PTPRM: variants seen among roughly 807,000 people sequenced by gnomAD.
PTPRM encodes the protein protein tyrosine phosphatase receptor type M.
A neutral mutation model predicts 186.7 loss-of-function variants in PTPRM; 47 were observed. The observed-to-expected ratio is 0.25, with a 90% confidence interval of 0.20 to 0.32. The LOEUF (loss-of-function observed/expected upper bound fraction) is 0.32, where lower values mean the gene tolerates loss of function less well. Ranked by LOEUF, PTPRM falls within the 10% of genes least tolerant of loss-of-function variation. The pLI is 1.00. For missense variants in PTPRM, 1,494 were observed against 1,865.0 expected (o/e 0.80, Z 3.66); for synonymous variants, 668 against 674.9 (o/e 0.99, Z 0.16).
intron 7 of PTPRM, among the ~76,000 whole-genome samples, chr18:7,975,006 A>G (rs1477619547): frequency 6.6e-6 from 1 of 152,162 alleles, no homozygotes; most frequent in Non-Finnish European, 1.5e-5. Context: ...ATTTTTAACA[A>G]ATTCCTCAGT....
intron 13 of PTPRM, among the ~76,000 whole-genome samples, chr18:8,142,137 T>C (rs1267224901): frequency 2.0e-5 from 3 of 152,220 alleles, no homozygotes; most frequent in African/African-American, 7.2e-5. Context: ...GGGATATTCA[T>C]TGAATCAAAA....
intron 23 of PTPRM, among the ~76,000 whole-genome samples, chr18:8,354,558 C>A (rs2095553591): frequency 6.6e-6 from 1 of 152,200 alleles, no homozygotes; most frequent in Admixed American, 6.5e-5. Context: ...AAATGTTTCA[C>A]AAGCCCTATT....
At chr18:8,028,255 G>A (rs2085702107) in intron 7 of PTPRM, among the ~76,000 whole-genome samples, 1 of 152,204 alleles carries the variant, frequency 6.6e-6, no homozygotes, top group African/African-American at 2.4e-5. Context: ...TCCCACCTTG[G>A]TCTCCCAAAG....
chr18:8,309,472 A>G (rs576625780), intron 20 of PTPRM, among the ~76,000 whole-genome samples: 1 of 152,212 alleles, frequency 6.6e-6, no homozygotes, highest in Non-Finnish European at 1.5e-5. Context: ...AGAAGTGTGC[A>G]CACAGGAGGT....
chr18:7,897,291 G>C (rs2049412551), intron 3 of PTPRM, among the ~76,000 whole-genome samples: 1 of 152,146 alleles, frequency 6.6e-6, no homozygotes, highest in Non-Finnish European at 1.5e-5. Context: ...AGTACACTTG[G>C]GAATACTGAT....
chr18:7,589,635 T>TA (rs2143609732), intron 1 of PTPRM, among the ~76,000 whole-genome samples: 1 of 152,338 alleles, frequency 6.6e-6, no homozygotes, highest in African/African-American at 2.4e-5. Context: ...ATTCTGGTCT[T>TA]AGTCTGTGAC....
chr18:7,948,172 CACACAG>C (rs2052679040), intron 5 of PTPRM, among the ~76,000 whole-genome samples: 1 of 148,700 alleles, frequency 6.7e-6, no homozygotes, highest in African/African-American at 2.5e-5. Context: ...CACACACACA[CACACAG>C]GTTTCCGCTT....
At chr18:7,867,830 A>T (rs932232968) in intron 2 of PTPRM, among the ~76,000 whole-genome samples, 22 of 152,150 alleles carry the variant, frequency 1.4e-4, no homozygotes, top group African/African-American at 4.8e-4. Flanking sequence ...TTTCAGGTAC[A>T]CCAATCAAGC....
chr18:8,007,725 T>G (rs1174955331), intron 7 of PTPRM, among the ~76,000 whole-genome samples: 1 of 152,134 alleles, frequency 6.6e-6, no homozygotes, highest in East Asian at 1.9e-4. Flanking sequence ...GAATCAGTGG[T>G]GGGGGCCTCT....
chr18:7,733,240 C>T (rs888800186), intron 1 of PTPRM, among the ~76,000 whole-genome samples: 8 of 152,004 alleles, frequency 5.3e-5, no homozygotes, highest in South Asian at 2.1e-4. Context: ...TTCCCTTGCC[C>T]CCCACCCTCC....
chr18:7,979,683 A>T (rs1392590812), intron 7 of PTPRM, among the ~76,000 whole-genome samples: 5 of 152,194 alleles, frequency 3.3e-5, no homozygotes, highest in Non-Finnish European at 7.3e-5. Flanking sequence ...AAAGTCGAAA[A>T]ATGAGACTGG....
chr18:7,757,551 G>A (rs1012954068), intron 1 of PTPRM, among the ~76,000 whole-genome samples: 2 of 152,128 alleles, frequency 1.3e-5, no homozygotes, highest in South Asian at 4.1e-4. Context: ...GCAGCAGGTG[G>A]GCGTTTCTGC....
chr18:8,329,517 A>C (rs1159720600), intron 22 of PTPRM, among the ~76,000 whole-genome samples: 1 of 152,132 alleles, frequency 6.6e-6, no homozygotes, highest in Non-Finnish European at 1.5e-5. Flanking sequence ...AAAAGGAGAG[A>C]GCTGAAACTA....
At chr18:8,032,958 A>G (rs2086084837) in intron 7 of PTPRM, among the ~76,000 whole-genome samples, 1 of 152,178 alleles carries the variant, frequency 6.6e-6, no homozygotes, top group South Asian at 2.1e-4. Context: ...ACAGGCAAAT[A>G]TTTTTTGTAG....
chr18:8,389,492 C>T (rs1180644214), intron 31 of PTPRM, among the ~76,000 whole-genome samples: 5 of 152,154 alleles, frequency 3.3e-5, no homozygotes, highest in African/African-American at 4.8e-5. Flanking sequence ...GGGAGGCATC[C>T]GTTGTTTCTT....
At chr18:7,583,663 A>G (rs2036903484) in intron 1 of PTPRM, among the ~76,000 whole-genome samples, 1 of 152,258 alleles carries the variant, frequency 6.6e-6, no homozygotes, top group South Asian at 2.1e-4. Flanking sequence ...TTAATTGGTT[A>G]GAGAATTACT....
chr18:8,115,358 CTCT>C (rs2091916814), intron 13 of PTPRM, among the ~76,000 whole-genome samples: 1 of 152,120 alleles, frequency 6.6e-6, no homozygotes, highest in Non-Finnish European at 1.5e-5. Context: ...GGTTAAAACT[CTCT>C]GAGAGAATGT....
intron 1 of PTPRM, among the ~76,000 whole-genome samples, chr18:7,701,430 C>T (rs187260539): frequency 6.7e-6 from 1 of 149,656 alleles, no homozygotes; most frequent in South Asian, 2.1e-4. Context: ...GAAACCCCAT[C>T]TCTACTAAAA....
At chr18:7,616,078 C>T (rs987785712) in intron 1 of PTPRM, among the ~76,000 whole-genome samples, 2 of 152,156 alleles carry the variant, frequency 1.3e-5, no homozygotes, top group South Asian at 2.1e-4. Flanking sequence ...CCTGACAGGC[C>T]GTGACTGGTA....
Sources: allele counts gnomAD v4.1 joint callset (sites outside exome capture counted in the v4.1 genomes callset), GRCh38; gene constraint gnomAD v4.1.1; transcripts MANE v1.5; gene names NCBI Gene and HGNC (gene_info 2026-07-23, HGNC 2026-07-21).